The following MACF1 variants were observed in gnomAD, a reference collection of about 807,000 sequenced individuals.
MACF1 encodes the protein microtubule-actin cross-linking factor 1.
MACF1 carries 193 observed loss-of-function variants against 854.8 expected under a neutral mutation model. The observed-to-expected ratio is 0.23, with a 90% confidence interval of 0.20 to 0.25. MACF1 has a LOEUF of 0.25. Ranked by LOEUF, MACF1 falls within the 10% of genes least tolerant of loss-of-function variation. MACF1 has a pLI of 1.00. For synonymous variants in MACF1, 3,185 were observed against 3,226.7 expected, an observed-to-expected ratio of 0.99 and a Z score of 0.44; for missense variants, 7,722 against 8,929.1, an observed-to-expected ratio of 0.86 and a Z score of 5.45.
chr1:39,333,550 C>T lies in MACF1; in HGVS notation c.6962C>T (p.Thr2321Ile). ...AISRGIVPSHTAVKLMEKLNM... is the reference protein window; with the variant it reads ...AISRGIVPSHIAVKLMEKLNM... ...TCCCGAGGCATTGTGCCAAGTCACA[C>T]TGCCGTGAAGCTTATGGAGAAGCTG... Residue 2321 changes from threonine (T) to isoleucine (I), a missense_variant, in exon 37 of 101, where the codon ACT (threonine) becomes ATT (isoleucine). Physicochemically the swap from Thr to Ile is moderately conservative, Grantham distance 89. This residue lies in a region of MACF1 where 1,531 missense variants were observed against 1,601.6 expected (regional missense o/e 0.96). Transcript: ENST00000564288. 1 of 1,614,224 alleles carries T rather than the reference C, an allele frequency of 6.2e-7. No individual in the cohort carries two copies. Among genetic ancestry groups the T allele is most frequent in the Non-Finnish European group, 8.5e-7 (1 of 1,180,030 alleles).
chr1:39,277,015 A>G (rs1557558898), intron 6 of MACF1, among the ~76,000 whole-genome samples: 1 of 152,164 alleles, frequency 6.6e-6, no homozygotes, highest in Admixed American at 6.5e-5. Context: ...GTTCCTGGGA[A>G]TATAATCTCC....
At position 39,437,998 on chromosome 1, in the gene MACF1, G is replaced by A; in HGVS notation, c.18210G>A (p.Leu6070=). ...IGRSQGADKD[L]AAKEIQDKLD... Reference sequence around the variant, plus strand: ...GATCTCAGGGAGCAGACAAGGATCTGGCTGCAAAAGGTGCTTGATGATTGT... The same window carrying A: ...GATCTCAGGGAGCAGACAAGGATCTAGCTGCAAAAGGTGCTTGATGATTGT... The change falls in exon 71 of 101, where the codon CTG becomes CTA. Residue 6070 remains leucine, a synonymous_variant. Coordinates refer to ENST00000564288, the MANE Select transcript of MACF1 (RefSeq NM_001394062.1). 2 of 1,613,704 alleles carry A rather than the reference G, an allele frequency of 1.2e-6. No homozygotes were observed. The highest frequency in any genetic ancestry group is 1.1e-5 in the South Asian group (1 of 91,006).
chr1:39,437,059 C>T (rs1570075143), intron 70 of MACF1, among the ~76,000 whole-genome samples: 2 of 152,080 alleles, frequency 1.3e-5, no homozygotes, highest in Admixed American at 1.3e-4. Flanking sequence ...GGGCATCTAA[C>T]TTGTTGGTCT....
chr1:39,280,868 G>A (rs996362825), intron 6 of MACF1, among the ~76,000 whole-genome samples: 6 of 152,224 alleles, frequency 3.9e-5, no homozygotes, highest in Admixed American at 1.3e-4. Flanking sequence ...GTGAGCCACT[G>A]CACACAGCCC....
chr1:39,264,119 G>A (rs1197974536), intron 6 of MACF1, among the ~76,000 whole-genome samples: 1 of 152,128 alleles, frequency 6.6e-6, no homozygotes, highest in Non-Finnish European at 1.5e-5. Context: ...GACCCCTGCA[G>A]CTGTGTAACA....
At chr1:39,258,370 TGGTGTTG>T (rs1645119492) in intron 6 of MACF1, among the ~76,000 whole-genome samples, 3 of 152,218 alleles carry the variant, frequency 2.0e-5, no homozygotes, top group African/African-American at 7.2e-5. Flanking sequence ...GAAAAGCTGT[TGGTGTTG>T]ATGCTTTAGA....
intron 56 of MACF1, among the ~76,000 whole-genome samples, chr1:39,383,057 G>T (rs949719823): frequency 6.6e-6 from 1 of 152,146 alleles, no homozygotes; most frequent in Non-Finnish European, 1.5e-5. Context: ...CGGGATGAAG[G>T]TTGCCATGAG....
chr1:39,468,336 C>G (rs190608201), intron 95 of MACF1, among the ~76,000 whole-genome samples: 2 of 152,348 alleles, frequency 1.3e-5, no homozygotes, highest in Non-Finnish European at 2.9e-5. Context: ...TTACAGTAAG[C>G]TGAGATCACA....
chr1:39,406,679 G>C (rs537009805), intron 58 of MACF1, among the ~76,000 whole-genome samples: 2 of 140,284 alleles, frequency 1.4e-5, no homozygotes, highest in Non-Finnish European at 3.0e-5. Flanking sequence ...AGATTGCAGT[G>C]AGCCAAGATT....
chr1:39,287,463 G>A lies in MACF1; in HGVS notation c.1686G>A (p.Lys562=), dbSNP rs149606868. The A allele has an allele frequency of 1.6e-4, 252 of 1,614,060 alleles. No individual in the cohort carries two copies. The highest frequency in any genetic ancestry group is 2.0e-4 in the Non-Finnish European group (240 of 1,180,038). The change falls in exon 15 of 101, where the codon AAG becomes AAA. Residue 562 remains lysine (K), a synonymous_variant. Transcript: ENST00000564288. The stretch of plus-strand genomic sequence containing the variant: ...CTTCTTCTACCTCCTGGTTCCGAAA[G>A]CCTATGACTCGGGCTGAACTTGTGG... ...THSSSTSWFR[K]PMTRAELVAI... is the part of the protein sequence containing the mutation.
chr1:39,251,963 A>G, intron 4 of MACF1, 22 bp downstream of exon 4: 2 of 1,461,958 alleles, frequency 1.4e-6, no homozygotes, highest in East Asian at 2.7e-5. Flanking sequence ...TGGGGATGCC[A>G]GCATCCCAGC....
chr1:39,253,658 C>T (rs1645066906), intron 4 of MACF1, among the ~76,000 whole-genome samples: 1 of 151,964 alleles, frequency 6.6e-6, no homozygotes, highest in Non-Finnish European at 1.5e-5. Flanking sequence ...TGATTACAGG[C>T]ATGTGCCACC....
upstream of MACF1, chr1:39,204,505 A>T (rs117250659): frequency 1.3e-5 from 2 of 154,774 alleles, no homozygotes; most frequent in East Asian, 3.8e-4. Context: ...ATCCTCATGT[A>T]CTTTGCTTTC....
At chr1:39,328,632 C>CTG (rs1362536133) in intron 36 of MACF1, 1 of 152,218 alleles carries the variant, frequency 6.6e-6, no homozygotes, top group Non-Finnish European at 1.5e-5. Context: ...CAAGCTTACA[C>CTG]TGTGTGTGTG....
At chr1:39,288,661 C>G (rs1032319469) in intron 15 of MACF1, among the ~76,000 whole-genome samples, 2 of 150,944 alleles carry the variant, frequency 1.3e-5, no homozygotes, top group African/African-American at 4.9e-5. Flanking sequence ...AATGATGGCG[C>G]GCACCGGTGG....
chr1:39,340,860 C>T lies in MACF1; in HGVS notation c.10488C>T (p.Ala3496=), dbSNP rs1569577157. 5.6e-6 allele frequency: 9 copies of T among 1,614,000 alleles called. No individual in the cohort carries two copies. In the East Asian group the frequency reaches 1.6e-4, roughly 28 times the overall value. ...AAGGCCGACTTCAAGATCTGAGAGC[C>T]TGGGTTGGCAATAAAAATCTTATTC... ...QLEGRLQDLR[A]WVGNKNLILN... is the part of the protein sequence containing the mutation. Residue 3496 remains alanine (A), a synonymous_variant, in exon 40 of 101, where the codon GCC becomes GCT. Transcript: ENST00000564288.
intron 2 of MACF1, among the ~76,000 whole-genome samples, chr1:39,180,044 T>A (rs1010923079): frequency 6.6e-6 from 1 of 151,998 alleles, no homozygotes; most frequent in African/African-American, 2.4e-5. Flanking sequence ...AATGAAGTTA[T>A]GCTCTCCTTT....
intron 69 of MACF1, among the ~76,000 whole-genome samples, chr1:39,435,108 G>A (rs916878193): frequency 6.6e-6 from 1 of 152,222 alleles, no homozygotes; most frequent in Non-Finnish European, 1.5e-5. Context: ...TAAACTGGAC[G>A]TAGTCAGCAG....
At chr1:39,431,610 G>A (rs111903028) in intron 66 of MACF1, among the ~76,000 whole-genome samples, 253 of 152,136 alleles carry the variant, frequency 1.7e-3, no homozygotes, top group African/African-American at 5.6e-3. Flanking sequence ...GAAATGTATT[G>A]TGCTTGGGAG....
Sources: gnomAD v4.1 joint callset for allele counts (sites outside exome capture counted in the v4.1 genomes callset) on GRCh38, gnomAD v4.1.1 for gene constraint, gnomAD v4.1.1 regional missense constraint, MANE v1.5 for transcripts, NCBI Gene and HGNC (gene_info 2026-07-23, HGNC 2026-07-21) for gene names.